The following ARMH3 variants were observed in gnomAD, a reference collection of about 807,000 sequenced individuals.
ARMH3 encodes the protein armadillo like helical domain containing 3, also known as armadillo-like helical domain-containing protein 3.
A neutral mutation model predicts 99.1 loss-of-function variants in ARMH3; 60 were observed. That is an observed-to-expected ratio of 0.61 (90% confidence interval 0.49 to 0.75). The LOEUF is 0.75. Among genes scored for constraint, ARMH3 ranks in the 30% least tolerant of loss-of-function variants. The pLI is 0.00. For missense variants in ARMH3, 679 were observed against 843.1 expected, an observed-to-expected ratio of 0.81 and a Z score of 2.41; for synonymous variants, 285 against 292.8, an observed-to-expected ratio of 0.97 and a Z score of 0.27.
chr10:101,991,294 T>C (rs941066746), intron 18 of ARMH3, among the ~76,000 whole-genome samples: 2 of 152,192 alleles, frequency 1.3e-5, no homozygotes, highest in Non-Finnish European at 2.9e-5. Flanking sequence ...CAGTTTAATA[T>C]ACTCAGGGGA....
chr10:101,989,406 C>T (rs749901064), intron 19 of ARMH3, among the ~76,000 whole-genome samples: 10 of 151,892 alleles, frequency 6.6e-5, no homozygotes, highest in Non-Finnish European at 1.5e-4. Context: ...GAGTTGCCTC[C>T]AGTTGTGCTC....
intron 23 of ARMH3, among the ~76,000 whole-genome samples, chr10:101,902,716 G>A (rs981448442): frequency 2.0e-5 from 3 of 152,086 alleles, no homozygotes; most frequent in African/African-American, 7.2e-5. Flanking sequence ...GGGAAAAGGA[G>A]GGGAAACTAG....
At chr10:101,925,185 C>A (rs1207750729) in intron 23 of ARMH3, among the ~76,000 whole-genome samples, 1 of 152,178 alleles carries the variant, frequency 6.6e-6, no homozygotes, top group East Asian at 1.9e-4. Context: ...TGTGATTCAG[C>A]TGCTGAATAA....
At chr10:101,968,739 GA>G (rs1228104618) in intron 20 of ARMH3, among the ~76,000 whole-genome samples, 2 of 152,190 alleles carry the variant, frequency 1.3e-5, no homozygotes, top group Non-Finnish European at 2.9e-5. Context: ...GGGGATGAGA[GA>G]AAGATTCAAA....
intron 23 of ARMH3, among the ~76,000 whole-genome samples, chr10:101,918,323 G>A (rs1017041576): frequency 1.3e-5 from 2 of 152,134 alleles, no homozygotes; most frequent in Admixed American, 6.5e-5. Flanking sequence ...CAAAGTGCTG[G>A]GATTACAGGC....
chr10:101,986,433 C>T (rs954139230), intron 19 of ARMH3, among the ~76,000 whole-genome samples: 3 of 151,822 alleles, frequency 2.0e-5, no homozygotes, highest in African/African-American at 7.3e-5. Context: ...TTAACTGCTC[C>T]AGGCAAGACC....
chr10:102,046,055 A>T (rs192005136), intron 1 of ARMH3, among the ~76,000 whole-genome samples: 3 of 152,204 alleles, frequency 2.0e-5, no homozygotes, highest in Admixed American at 1.3e-4. Flanking sequence ...AGATCGCACC[A>T]TTGCACTCCA....
At chr10:101,920,098 G>T (rs1480154150) in intron 23 of ARMH3, among the ~76,000 whole-genome samples, 2 of 152,204 alleles carry the variant, frequency 1.3e-5, no homozygotes, top group Non-Finnish European at 2.9e-5. Flanking sequence ...TCGAGAAAGA[G>T]TCAATGTGTC....
At chr10:102,025,995 A>G (rs1370094227) in intron 5 of ARMH3, among the ~76,000 whole-genome samples, 1 of 152,152 alleles carries the variant, frequency 6.6e-6, no homozygotes, top group Non-Finnish European at 1.5e-5. Context: ...GGCACACTGA[A>G]TAAATGAAAA....
At chr10:102,036,536 T>C (rs534616829) in intron 2 of ARMH3, among the ~76,000 whole-genome samples, 41 of 151,458 alleles carry the variant, frequency 2.7e-4, no homozygotes, top group African/African-American at 9.2e-4. Flanking sequence ...CTGGGAGGGG[T>C]TCTTCTGCCT....
intron 1 of ARMH3, among the ~76,000 whole-genome samples, chr10:102,042,901 C>T (rs926596694): frequency 3.4e-4 from 52 of 152,274 alleles, no homozygotes; most frequent in African/African-American, 1.2e-3. Context: ...GCAGAAACCC[C>T]GTCTCTACTA....
At chr10:102,015,237 G>A (rs1252792316) in intron 8 of ARMH3, among the ~76,000 whole-genome samples, 1 of 152,134 alleles carries the variant, frequency 6.6e-6, no homozygotes, top group Non-Finnish European at 1.5e-5. Context: ...AAGCTCCCAT[G>A]CAAGTGGGTC....
chr10:101,927,810 C>T (rs1272346759), intron 23 of ARMH3, among the ~76,000 whole-genome samples: 1 of 152,070 alleles, frequency 6.6e-6, no homozygotes, highest in African/African-American at 2.4e-5. Context: ...CAGTGGCTCA[C>T]GCCTATAATC....
rs1185758916 is a variant in ARMH3, at chr10:102,040,005, G to C, written c.102+8C>G. ...TCAAGCTGTACACAACAAGGCCGCA[G>C]GCCTTACCATGAAGATCTCATCATA... On this transcript the variant is annotated splice_region_variant and intron_variant, in intron 2 of 25. Coordinates refer to ENST00000370033, the MANE Select transcript of ARMH3 (RefSeq NM_024541.3). 1 of 1,610,956 alleles carries C rather than the reference G, an allele frequency of 6.2e-7. No individual in the cohort carries two copies. The highest frequency in any genetic ancestry group is 1.1e-5 in the South Asian group (1 of 91,020).
intron 24 of ARMH3, 118 bp from the exon 25 acceptor site, chr10:101,850,010 G>A (rs1172202817): frequency 1.3e-6 from 1 of 765,670 alleles, no homozygotes; most frequent in South Asian, 1.9e-5. Context: ...AAGAAACCTT[G>A]CTTATTACTT....
At chr10:102,018,965 A>G (rs1319510078) in intron 8 of ARMH3, among the ~76,000 whole-genome samples, 2 of 152,226 alleles carry the variant, frequency 1.3e-5, no homozygotes, top group Middle Eastern at 3.2e-3. Context: ...TCAAAAAAAA[A>G]AGTATAACAC....
intron 19 of ARMH3, among the ~76,000 whole-genome samples, chr10:101,985,076 TATACAC>T (rs1253264481): frequency 5.3e-4 from 69 of 129,126 alleles, no homozygotes; most frequent in East Asian, 3.3e-3. Flanking sequence ...TAAAAATATA[TATACAC>T]ACACACACAC....
chr10:101,975,406 G>A (rs1176496450), intron 19 of ARMH3, 106 bp from the exon 20 acceptor site: 2 of 778,770 alleles, frequency 2.6e-6, no homozygotes, highest in South Asian at 1.5e-5. Flanking sequence ...TAAAGACACT[G>A]GATATGAATA....
At chr10:101,920,880 A>C (rs1843279856) in intron 23 of ARMH3, among the ~76,000 whole-genome samples, 1 of 152,238 alleles carries the variant, frequency 6.6e-6, no homozygotes. Flanking sequence ...TGCTAAGCAA[A>C]ATAAGCCAGT....
Sources: allele counts gnomAD v4.1 joint callset (sites outside exome capture counted in the v4.1 genomes callset), GRCh38; gene constraint gnomAD v4.1.1; transcripts MANE v1.5; gene names NCBI Gene and HGNC (gene_info 2026-07-23, HGNC 2026-07-21).